HIVEP1: variants seen among roughly 807,000 people sequenced by gnomAD.
HIVEP1 encodes HIVEP zinc finger 1.
In HIVEP1, 36 loss-of-function variants were observed where a neutral mutation model predicts 180.0. The observed-to-expected ratio is 0.20, with a 90% confidence interval of 0.15 to 0.26. The LOEUF (loss-of-function observed/expected upper bound fraction) is 0.26, where lower values mean the gene tolerates loss of function less well. Among genes scored for constraint, HIVEP1 ranks in the 10% least tolerant of loss-of-function variants. The pLI, the probability that HIVEP1 is intolerant of heterozygous loss-of-function variation, is 1.00. For synonymous variants in HIVEP1, 1,239 were observed against 1,239.0 expected (o/e 1.00, Z 0.00); for missense variants, 3,143 against 3,268.7 (o/e 0.96, Z 0.94).
chr6:12,200,804 G>A, the HIVEP1 span, among the ~76,000 whole-genome samples: 2 of 152,160 alleles, frequency 1.3e-5, no homozygotes, highest in South Asian at 2.1e-4. Context: ...AAAATTACAC[G>A]ACTTTTGCAT....
At chr6:12,042,651 T>C (rs1217139048) in intron 2 of HIVEP1, among the ~76,000 whole-genome samples, 1 of 152,098 alleles carries the variant, frequency 6.6e-6, no homozygotes, top group Admixed American at 6.5e-5. Flanking sequence ...TTTTCTATTC[T>C]AACCTGCAAT....
At chr6:12,102,292 A>G (rs1008295429) in intron 3 of HIVEP1, among the ~76,000 whole-genome samples, 3 of 152,212 alleles carry the variant, frequency 2.0e-5, no homozygotes, top group African/African-American at 7.2e-5. Context: ...AATACACATT[A>G]TTCTCCAGTA....
intron 7 of HIVEP1, among the ~76,000 whole-genome samples, chr6:12,138,977 A>G (rs1000583000): frequency 2.0e-5 from 3 of 151,286 alleles, no homozygotes; most frequent in Non-Finnish European, 4.4e-5. Flanking sequence ...TCCACTTTTA[A>G]TCACCTCCAA....
the HIVEP1 span, among the ~76,000 whole-genome samples, chr6:12,200,633 AG>A: frequency 3.3e-5 from 5 of 152,206 alleles, no homozygotes; most frequent in African/African-American, 4.8e-5. Context: ...GCATCCTGCA[AG>A]CACTTCCACT....
rs373969391 is a variant in HIVEP1 at position 12,125,289 on chromosome 6, A to G, written c.5494A>G (p.Asn1832Asp). The G allele has an allele frequency of 2.4e-5, 38 of 1,613,864 alleles. No homozygotes were observed. In the African/African-American group the frequency reaches 3.9e-4, roughly 16 times the overall value. Residue 1832 changes from asparagine (N) to aspartate (D), a missense_variant, in exon 4 of 9, where the codon AAT becomes GAT. Coordinates refer to ENST00000379388, the MANE Select transcript of HIVEP1 (RefSeq NM_002114.4). ...EISNEAVNLT[N>D]VLPADNSSTG... The stretch of plus-strand genomic sequence containing the variant: ...TAGTAATGAGGCTGTTAATTTGACA[A>G]ATGTTTTACCAGCTGATAATTCATC...
rs376802064 is a variant in HIVEP1 at position 12,123,599 on chromosome 6, C to A, written c.3804C>A (p.Thr1268=). The change falls in exon 4 of 9, where the codon ACC becomes ACA. Residue 1268 remains threonine (T), a synonymous_variant. Coordinates refer to ENST00000379388, the MANE Select transcript of HIVEP1 (RefSeq NM_002114.4). Reference sequence around the variant, plus strand: ...TCAGTTGGCCCCAGCGTAGTGAAACCTTGTCAAAATTGCCAACAGAGAAAC... The same window carrying A: ...TCAGTTGGCCCCAGCGTAGTGAAACATTGTCAAAATTGCCAACAGAGAAAC... ...EKFSWPQRSE[T]LSKLPTEKLP... The A allele has an allele frequency of 9.9e-6, 16 of 1,614,074 alleles. No homozygotes were observed. Among genetic ancestry groups the A allele is most frequent in the African/African-American group, 9.3e-5 (7 of 75,022 alleles).
At chr6:12,016,458 A>G (rs1410484572) in intron 2 of HIVEP1, among the ~76,000 whole-genome samples, 1 of 152,266 alleles carries the variant, frequency 6.6e-6, no homozygotes, top group Non-Finnish European at 1.5e-5. Flanking sequence ...AATATTTACC[A>G]TTACAGAAAA....
intron 2 of HIVEP1, among the ~76,000 whole-genome samples, chr6:12,088,150 C>T (rs1231641056): frequency 1.3e-5 from 2 of 152,070 alleles, no homozygotes; most frequent in South Asian, 4.1e-4. Flanking sequence ...TGTGCGGTGT[C>T]TGCCTTTTAT....
intron 2 of HIVEP1, among the ~76,000 whole-genome samples, chr6:12,016,246 C>T (rs1288198793): frequency 6.6e-6 from 1 of 152,124 alleles, no homozygotes; most frequent in African/African-American, 2.4e-5. Context: ...GTGTGTTTTC[C>T]ATCAACCGCG....
the HIVEP1 span, among the ~76,000 whole-genome samples, chr6:12,176,222 G>A: frequency 1.7e-4 from 24 of 141,114 alleles, no homozygotes; most frequent in Non-Finnish European, 2.4e-4. Flanking sequence ...TTTTGTTTTT[G>A]TAAGTCTTGG....
chr6:12,043,275 G>T lies in HIVEP1; in HGVS notation c.40+27607G>T, dbSNP rs542748185. On this transcript the variant is annotated intron_variant, in intron 2 of 8. Transcript: ENST00000379388. ...TTACTTACAAAATGAGTTGATCCAG[G>T]CAGGCATTTTATGTGATATTTATAT... is the stretch of plus-strand genomic sequence containing the variant. 6.6e-5 allele frequency among the ~76,000 whole-genome samples: 10 copies of T among 151,984 alleles called. No individual in the cohort carries two copies. In the South Asian group the frequency reaches 1.7e-3, roughly 25 times the overall value.
At chr6:12,192,861 T>C in the HIVEP1 span, among the ~76,000 whole-genome samples, 4 of 151,984 alleles carry the variant, frequency 2.6e-5, no homozygotes, top group African/African-American at 9.6e-5. Flanking sequence ...TTTTTTTTTT[T>C]ACAATACAGC....
chr6:12,131,407 A>G (rs1430038805), intron 6 of HIVEP1, among the ~76,000 whole-genome samples: 2 of 149,176 alleles, frequency 1.3e-5, no homozygotes, highest in Non-Finnish European at 3.0e-5. Context: ...TTAGGAATAC[A>G]TAGCCATTTT....
intron 2 of HIVEP1, among the ~76,000 whole-genome samples, chr6:12,088,712 C>CT (rs1451740392): frequency 6.6e-6 from 1 of 152,094 alleles, no homozygotes; most frequent in Non-Finnish European, 1.5e-5. Flanking sequence ...GATATAGACA[C>CT]TTTCTGCCAT....
chr6:12,159,491 A>G (rs906452996), intron 7 of HIVEP1, among the ~76,000 whole-genome samples: 1 of 152,232 alleles, frequency 6.6e-6, no homozygotes, highest in Middle Eastern at 3.4e-3. Context: ...CTGATGGCCA[A>G]CTGTCTTATT....
At chr6:12,169,035 A>G (rs903993535), downstream of HIVEP1, among the ~76,000 whole-genome samples, 1 of 152,028 alleles carries the variant, frequency 6.6e-6, no homozygotes, top group Non-Finnish European at 1.5e-5. Flanking sequence ...TTGCAGGCAC[A>G]CACCACCACA....
the HIVEP1 span, among the ~76,000 whole-genome samples, chr6:12,211,363 G>A: frequency 2.3e-4 from 23 of 100,986 alleles, no homozygotes; most frequent in African/African-American, 1.1e-3. Flanking sequence ...TCGCGCCACT[G>A]CACTCCAGCC....
At chr6:12,166,322 A>T (rs969472652), downstream of HIVEP1, among the ~76,000 whole-genome samples, 1 of 152,202 alleles carries the variant, frequency 6.6e-6, no homozygotes, top group Non-Finnish European at 1.5e-5. Flanking sequence ...TTTAGTTTCT[A>T]TAGAATTTTC....
intron 2 of HIVEP1, among the ~76,000 whole-genome samples, chr6:12,049,895 T>C (rs1425312489): frequency 6.6e-6 from 1 of 152,176 alleles, no homozygotes; most frequent in Non-Finnish European, 1.5e-5. Context: ...TTTGATGAAC[T>C]GGTTTGTAAC....
Sources: allele counts gnomAD v4.1 joint callset (sites outside exome capture counted in the v4.1 genomes callset), GRCh38; gene constraint gnomAD v4.1.1; transcripts MANE v1.5; gene names NCBI Gene and HGNC (gene_info 2026-07-23, HGNC 2026-07-21).